Variants in ZNF76 observed in about 807,000 individuals in gnomAD.
ZNF76 encodes zinc finger protein 523.
Under a neutral mutation model 66.9 loss-of-function variants are expected in ZNF76, and 66 were observed. The ratio of observed to expected loss-of-function variants is 0.99; its 90% confidence interval spans 0.81 to 1.21. ZNF76 has a LOEUF of 1.21. ZNF76 is among the 50% of genes most tolerant of loss of function. The probability of loss-of-function intolerance (pLI) is 0.00; values close to 1 mark genes in which losing one functional copy is unlikely to be tolerated. For missense variants in ZNF76, 729 were observed against 760.3 expected, an observed-to-expected ratio of 0.96 and a Z score of 0.48; for synonymous variants, 275 against 296.1, an observed-to-expected ratio of 0.93 and a Z score of 0.73.
At chr6:35,276,872 C>T (rs1443052347) in intron 1 of ZNF76, among the ~76,000 whole-genome samples, 1 of 144,524 alleles carries the variant, frequency 6.9e-6, no homozygotes, top group Admixed American at 7.1e-5. Context: ...TTTTGGCTCA[C>T]TGCAACCTCC....
chr6:35,294,047 C>T, intron 12 of ZNF76, 132 bp downstream of exon 12: 1 of 1,099,808 alleles, frequency 9.1e-7, no homozygotes, highest in Non-Finnish European at 1.3e-6. Context: ...AGGGGTCTTC[C>T]CCACAGTTCC....
chr6:35,269,942 A>C (rs1786761868), intron 1 of ZNF76, among the ~76,000 whole-genome samples: 1 of 152,170 alleles, frequency 6.6e-6, no homozygotes, highest in African/African-American at 2.4e-5. Context: ...CACGAAGCTC[A>C]GTTTTCGGAT....
In ZNF76 at chr6:35,290,388, G is replaced by A. The variant is rs142851813; in HGVS notation, c.549+6G>A. Reference sequence around the variant, plus strand: ...CCACCGCTCATCACTTAAAGGTAAGGTTGCTGGCAGACAGCCGTCAGCTCT... The same window carrying A: ...CCACCGCTCATCACTTAAAGGTAAGATTGCTGGCAGACAGCCGTCAGCTCT... On this transcript the variant is annotated splice_donor_region_variant and intron_variant, in intron 6 of 13. Coordinates refer to ENST00000373953, the MANE Select transcript of ZNF76 (RefSeq NM_003427.5). The A allele has an allele frequency of 4.2e-5, 68 of 1,613,418 alleles. No homozygotes were observed. In the African/African-American group the frequency reaches 8.5e-4, roughly 20 times the overall value.
chr6:35,281,115 C>T lies in ZNF76; in HGVS notation c.-37C>T. 1 of 1,610,600 alleles carries T rather than the reference C, an allele frequency of 6.2e-7. No individual in the cohort carries two copies. The highest frequency in any genetic ancestry group is 8.5e-7 in the Non-Finnish European group (1 of 1,176,984). ...TGTGGCTCTTGGTGCTGGCCAGAAG[C>T]CAACTTCATGTCTGAGTGCACGAGC... is the stretch of plus-strand genomic sequence containing the variant. On this transcript the variant is annotated 5_prime_UTR_variant, in exon 2 of 14. Transcript: ENST00000373953.
chr6:35,277,086 A>G (rs904894618), intron 1 of ZNF76, among the ~76,000 whole-genome samples: 3 of 151,834 alleles, frequency 2.0e-5, no homozygotes, highest in African/African-American at 7.3e-5. Flanking sequence ...GGCATGAGCC[A>G]CCGTGCCCAG....
intron 1 of ZNF76, among the ~76,000 whole-genome samples, chr6:35,268,343 GGA>G (rs948925564): frequency 6.6e-6 from 1 of 152,138 alleles, no homozygotes; most frequent in Non-Finnish European, 1.5e-5. Flanking sequence ...TATATCGTGA[GGA>G]GAGTCTCTTT....
chr6:35,276,647 G>A (rs1485765603), intron 1 of ZNF76, among the ~76,000 whole-genome samples: 1 of 152,200 alleles, frequency 6.6e-6, no homozygotes, highest in Non-Finnish European at 1.5e-5. Flanking sequence ...TCCCAGTGGA[G>A]TGCAGTTGTG....
chr6:35,290,336 G>T lies in ZNF76; in HGVS notation c.503G>T (p.Gly168Val). ...QQVGDRAFRC[G>V]YKGCGRLYTT... Reference sequence around the variant, plus strand: ...GTTGGAGACAGAGCATTCCGCTGTGGCTACAAGGGCTGTGGGCGTCTCTAC... The same window carrying T: ...GTTGGAGACAGAGCATTCCGCTGTGTCTACAAGGGCTGTGGGCGTCTCTAC... Residue 168 changes from glycine (G) to valine (V), a missense_variant, in exon 6 of 14, where the codon GGC becomes GTC. By Grantham distance (109) the Gly-to-Val change is moderately radical (BLOSUM62 -3). Transcript: ENST00000373953. The T allele has an allele frequency of 6.2e-7, 1 of 1,614,184 alleles. No individual in the cohort carries two copies.
At position 35,287,766 on chromosome 6, in the gene ZNF76, G is replaced by C; in HGVS notation, c.353G>C (p.Gly118Ala). Residue 118 changes from glycine to alanine, a missense_variant, in exon 5 of 14, where the codon GGC becomes GCC. Transcript: ENST00000373953. The surrounding 1 kb of genome is among the most constrained non-coding windows in gnomAD (Gnocchi z 4.0). ...ATCCTGGCCGTACAGACAGAGGTGG[G>C]CTTGGAGGACCTGGCAGCAGAGGAT... is the stretch of plus-strand genomic sequence containing the variant. ...STILAVQTEV[G>A]LEDLAAEDDE... 2 of 1,614,178 alleles carry C rather than the reference G, an allele frequency of 1.2e-6. No homozygotes were observed. The highest frequency in any genetic ancestry group is 1.7e-6 in the Non-Finnish European group (2 of 1,180,026).
intron 1 of ZNF76, among the ~76,000 whole-genome samples, chr6:35,270,923 A>G (rs1017399262): frequency 1.3e-5 from 2 of 152,172 alleles, no homozygotes; most frequent in Non-Finnish European, 2.9e-5. Context: ...CAGAGGTTGC[A>G]GTGAGCCAAG....
At chr6:35,277,628 C>T (rs962836165) in intron 1 of ZNF76, among the ~76,000 whole-genome samples, 1 of 152,142 alleles carries the variant, frequency 6.6e-6, no homozygotes, top group Admixed American at 6.6e-5. Context: ...ATAATCATAG[C>T]ATTTGATTGT....
chr6:35,271,078 T>C (rs566803944), intron 1 of ZNF76, among the ~76,000 whole-genome samples: 1 of 152,360 alleles, frequency 6.6e-6, no homozygotes, highest in Non-Finnish European at 1.5e-5. Flanking sequence ...TCCTCATTTA[T>C]GTCTACGTAG....
At chr6:35,290,825 G>T in intron 7 of ZNF76, 109 bp downstream of exon 7, 1 of 1,037,256 alleles carries the variant, frequency 9.6e-7, no homozygotes, top group South Asian at 1.4e-5. Flanking sequence ...AGAAACTACC[G>T]TCAGAGTACT....
rs1030769811 is a variant in ZNF76, at chr6:35,292,275, T to A, written c.932-279T>A. The stretch of plus-strand genomic sequence containing the variant: ...TCTCAACCTCCCACCCTCAACCTTA[T>A]AAGCCCCAGTGCCCCCTACCAGCCC... On this transcript the variant is annotated intron_variant, in intron 9 of 13. Transcript: ENST00000373953. This position sits in a 1 kb window ranked among gnomAD's most constrained non-coding sequence, Gnocchi z 4.7. The A allele has an allele frequency of 5.8e-6, 3 of 519,918 alleles. No homozygotes were observed. Among genetic ancestry groups the A allele is most frequent in the South Asian group, 2.1e-5 (1 of 47,490 alleles). 32.2% of individuals were successfully genotyped at this position (519,918 alleles called of 1,614,324 possible).
intron 1 of ZNF76, among the ~76,000 whole-genome samples, chr6:35,277,243 T>C (rs1788050807): frequency 6.6e-6 from 1 of 152,180 alleles, no homozygotes; most frequent in Non-Finnish European, 1.5e-5. Flanking sequence ...AGCAGAGCTC[T>C]TGTGAGACAG....
intron 1 of ZNF76, among the ~76,000 whole-genome samples, chr6:35,270,759 A>G (rs755547473): frequency 1.3e-5 from 2 of 152,102 alleles, no homozygotes; most frequent in Non-Finnish European, 2.9e-5. Context: ...GGGTTTCACC[A>G]TGTTGGCCAG....
At chr6:35,266,925 T>A (rs1383321679) in intron 1 of ZNF76, among the ~76,000 whole-genome samples, 1 of 147,830 alleles carries the variant, frequency 6.8e-6, no homozygotes, top group Non-Finnish European at 1.5e-5. Context: ...CTCAGCCTCC[T>A]GAGTAGCTGG....
intron 1 of ZNF76, among the ~76,000 whole-genome samples, chr6:35,274,010 AG>A (rs1787530718): frequency 6.6e-6 from 1 of 152,168 alleles, no homozygotes; most frequent in Non-Finnish European, 1.5e-5. Flanking sequence ...CCTGTTCACT[AG>A]GTTTTTCTGC....
intron 1 of ZNF76, among the ~76,000 whole-genome samples, chr6:35,273,497 T>C (rs977953498): frequency 6.6e-6 from 1 of 151,474 alleles, no homozygotes; most frequent in African/African-American, 2.4e-5. Context: ...AAAGCCCAAG[T>C]CAGGGCCAGG....
Sources: allele counts gnomAD v4.1 joint callset (sites outside exome capture counted in the v4.1 genomes callset), GRCh38; gene constraint gnomAD v4.1.1; non-coding constraint Gnocchi (gnomAD v3.1); transcripts MANE v1.5; gene names NCBI Gene and HGNC (gene_info 2026-07-23, HGNC 2026-07-21).